The following TRIM9 variants were observed in gnomAD, a reference collection of about 807,000 sequenced individuals.
TRIM9 encodes the protein E3 ubiquitin-protein ligase TRIM9.
Under a neutral mutation model 78.3 loss-of-function variants are expected in TRIM9, and 26 were observed. The ratio of observed to expected loss-of-function variants is 0.33; its 90% CI spans 0.24 to 0.46. The LOEUF is 0.46. TRIM9 is among the 20% of genes least tolerant of loss of function. The pLI is 1.00. For synonymous variants in TRIM9, 398 were observed against 416.5 expected, an observed-to-expected ratio of 0.96 and a Z score of 0.54; for missense variants, 787 against 1,036.4, an observed-to-expected ratio of 0.76 and a Z score of 3.30.
chr14:51,094,957 G>C lies in TRIM9; in HGVS notation c.-18C>G. 1 of 1,424,318 alleles carries C rather than the reference G, an allele frequency of 7.0e-7. No individual in the cohort carries two copies. 88.2% of individuals were successfully genotyped at this position (1,424,318 alleles called of 1,614,324 possible). ...TCCTCCATGGGGACCGGTCTGGGAG[G>C]AGACAGCGACGGCTGCAGCGGGTGC... On this transcript the variant is annotated 5_prime_UTR_variant, in exon 1 of 13. Transcript: ENST00000684578.
intron 5 of TRIM9, among the ~76,000 whole-genome samples, chr14:51,008,677 T>G (rs1314794364): frequency 1.3e-5 from 2 of 152,234 alleles, no homozygotes; most frequent in Admixed American, 1.3e-4. Flanking sequence ...TGATCCATGC[T>G]CAACCATTTG....
chr14:51,059,237 T>C (rs2061140353), intron 1 of TRIM9, among the ~76,000 whole-genome samples: 1 of 152,174 alleles, frequency 6.6e-6, no homozygotes, highest in African/African-American at 2.4e-5. Flanking sequence ...CTTCAATAAC[T>C]TTCCCTCATG....
intron 5 of TRIM9, among the ~76,000 whole-genome samples, chr14:51,001,789 C>G (rs1449804103): frequency 6.6e-6 from 1 of 152,150 alleles, no homozygotes; most frequent in Non-Finnish European, 1.5e-5. Flanking sequence ...GTCATTCTCT[C>G]AAGGTAGCTA....
At chr14:51,046,424 T>A (rs1202774796) in intron 1 of TRIM9, among the ~76,000 whole-genome samples, 21 of 152,230 alleles carry the variant, frequency 1.4e-4, no homozygotes, top group Admixed American at 7.2e-4. Context: ...TACACTGTAC[T>A]ATGGTTTTGC....
chr14:51,078,312 T>C (rs138648886), intron 1 of TRIM9, among the ~76,000 whole-genome samples: 1 of 152,200 alleles, frequency 6.6e-6, no homozygotes, highest in South Asian at 2.1e-4. Flanking sequence ...AAATACTAAA[T>C]GAAATTAATT....
At chr14:50,987,627 A>T (rs2052888349) in intron 7 of TRIM9, among the ~76,000 whole-genome samples, 1 of 152,314 alleles carries the variant, frequency 6.6e-6, no homozygotes, top group Non-Finnish European at 1.5e-5. Context: ...AGATATGATA[A>T]ATCAAAAATT....
Position 51,094,401 on chromosome 14 carries a change from A to G in TRIM9, c.539T>C (p.Val180Ala). 1 of 1,613,890 alleles carries G rather than the reference A, an allele frequency of 6.2e-7. No individual in the cohort carries two copies. The highest frequency in any genetic ancestry group is 1.1e-5 in the South Asian group (1 of 91,082). The stretch of plus-strand genomic sequence containing the variant: ...GAAGACATCGCACTGTTCGCACATG[A>G]CGGTGGCTTCCTTGGGCGCCTTCTC... Reference protein sequence around the residue: ...LCEKAPKEATVMCEQCDVFYC... With the variant: ...LCEKAPKEATAMCEQCDVFYC... Residue 180 changes from valine (V) to alanine (A), a missense_variant, in exon 1 of 13, where the codon GTC (valine) becomes GCC (alanine). Val to Ala is a moderately conservative substitution (Grantham distance 64). Coordinates refer to ENST00000684578, the MANE Select transcript of TRIM9 (RefSeq NM_001387360.1).
At chr14:50,996,563 G>A in intron 7 of TRIM9, 1 of 985,448 alleles carries the variant, frequency 1.0e-6, no homozygotes, top group Non-Finnish European at 1.2e-6. Flanking sequence ...CTGCTCTGCA[G>A]GCATGCACTT....
At chr14:51,015,615 G>C (rs1280749530) in intron 3 of TRIM9, among the ~76,000 whole-genome samples, 4 of 138,956 alleles carry the variant, frequency 2.9e-5, no homozygotes, top group Non-Finnish European at 6.1e-5. Context: ...CTGGGCTCAA[G>C]TGATCTTCCC....
chr14:51,056,965 T>A (rs1478572866), intron 1 of TRIM9, among the ~76,000 whole-genome samples: 2 of 152,224 alleles, frequency 1.3e-5, no homozygotes, highest in Non-Finnish European at 2.9e-5. Flanking sequence ...TTCATCTGAT[T>A]TGGTTTAGCT....
At chr14:50,996,370 A>G in intron 7 of TRIM9, 1 of 985,462 alleles carries the variant, frequency 1.0e-6, no homozygotes, top group South Asian at 4.7e-5. Context: ...TCTTATGAAC[A>G]TTAAAATAAA....
chr14:51,022,058 T>A (rs901204097), intron 3 of TRIM9, among the ~76,000 whole-genome samples: 5 of 152,238 alleles, frequency 3.3e-5, no homozygotes, highest in Admixed American at 3.3e-4. Context: ...CTCACCATCC[T>A]CTTTTCCTAC....
At chr14:51,050,453 C>G (rs2060319109) in intron 1 of TRIM9, among the ~76,000 whole-genome samples, 1 of 152,140 alleles carries the variant, frequency 6.6e-6, no homozygotes, top group African/African-American at 2.4e-5. Context: ...GTGAGGCCTC[C>G]CCAGCCACGT....
chr14:50,979,267 T>C, intron 12 of TRIM9, 120 bp downstream of exon 12: 1 of 1,561,340 alleles, frequency 6.4e-7, no homozygotes, highest in Non-Finnish European at 8.7e-7. Flanking sequence ...CTCTCCTTCA[T>C]ATCTTGGTCT....
chr14:51,086,026 C>A (rs914547772), intron 1 of TRIM9, among the ~76,000 whole-genome samples: 6 of 152,186 alleles, frequency 3.9e-5, no homozygotes, highest in African/African-American at 7.2e-5. Context: ...ACCACAATTT[C>A]TTTTCTAAAT....
At chr14:51,012,052 A>C (rs985231326) in intron 3 of TRIM9, among the ~76,000 whole-genome samples, 6 of 152,146 alleles carry the variant, frequency 3.9e-5, no homozygotes, top group African/African-American at 1.4e-4. Context: ...TTTTGTTCTT[A>C]ATGTGTTATT....
intron 1 of TRIM9, among the ~76,000 whole-genome samples, chr14:51,046,302 A>G (rs1185603926): frequency 6.6e-6 from 1 of 152,210 alleles, no homozygotes; most frequent in Non-Finnish European, 1.5e-5. Context: ...CACAGGTGAT[A>G]GAATCATTTT....
intron 7 of TRIM9, chr14:50,997,846 C>T (rs376920392): frequency 7.9e-6 from 11 of 1,399,182 alleles, no homozygotes; most frequent in Admixed American, 2.9e-5. Flanking sequence ...TTGGAACTGC[C>T]GATGTGGAAT....
At position 51,015,505 on chromosome 14, in the gene TRIM9, CTTTTTTTTTT is replaced by C. The variant is rs369652663; in HGVS notation, c.1042-5021_1042-5012del. On this transcript the variant is annotated intron_variant, in intron 3 of 12. Coordinates refer to ENST00000684578, the MANE Select transcript of TRIM9 (RefSeq NM_001387360.1). ...AATGCTTTTTTCTTTCTTTACTTTT[CTTTTTTTTTT>C]TTTTTTTTTTTTTTTTTTAGATAGG... Among the ~76,000 whole-genome samples, 8 of 61,326 alleles carry C rather than the reference CTTTTTTTTTT, an allele frequency of 1.3e-4. 1 individual carries two copies. The highest frequency in any genetic ancestry group is 5.5e-4 in the East Asian group (1 of 1,820). 40.2% of individuals were successfully genotyped at this position (61,326 alleles called of 152,430 possible).
Sources: allele counts gnomAD v4.1 joint callset (sites outside exome capture counted in the v4.1 genomes callset), GRCh38; gene constraint gnomAD v4.1.1; transcripts MANE v1.5; gene names NCBI Gene and HGNC (gene_info 2026-07-23, HGNC 2026-07-21).